Variants in FBXL3 observed in about 807,000 individuals in gnomAD.
FBXL3 encodes the protein F-box/LRR-repeat protein 3.
Under a neutral mutation model 37.9 loss-of-function variants are expected in FBXL3, and 14 were observed. That is an observed-to-expected ratio of 0.37 (90% CI 0.24 to 0.58). FBXL3 has a LOEUF of 0.58. Ranked by LOEUF, FBXL3 falls within the 20% of genes least tolerant of loss-of-function variation. FBXL3 has a pLI of 0.74. For missense variants in FBXL3, 327 were observed against 511.1 expected, an observed-to-expected ratio of 0.64 and a Z score of 3.47; for synonymous variants, 194 against 180.1, an observed-to-expected ratio of 1.08 and a Z score of -0.62.
At chr13:77,020,889 A>G (rs991683072) in intron 2 of FBXL3, among the ~76,000 whole-genome samples, 7 of 152,172 alleles carry the variant, frequency 4.6e-5, no homozygotes, top group African/African-American at 1.7e-4. Context: ...ACAGGTACCC[A>G]CATCCAGCTA....
At chr13:77,025,218 C>A (rs1236031443) in intron 1 of FBXL3, among the ~76,000 whole-genome samples, 1 of 152,192 alleles carries the variant, frequency 6.6e-6, no homozygotes, top group Non-Finnish European at 1.5e-5. Context: ...ATTCTAGACT[C>A]TAGAAATCTA....
intron 3 of FBXL3, chr13:77,016,759 G>A (rs1386206489): frequency 1.3e-5 from 2 of 151,734 alleles, no homozygotes; most frequent in African/African-American, 2.4e-5. Context: ...TTGAACTCCT[G>A]GCCACAACAG....
chr13:77,010,399 C>G (rs112249189), intron 4 of FBXL3: 4 of 152,138 alleles, frequency 2.6e-5, no homozygotes, highest in African/African-American at 9.7e-5. Context: ...ACCCTAATGC[C>G]TAGCATCTGT....
chr13:77,015,597 A>G lies in FBXL3; in HGVS notation c.472-17T>C. The G allele has an allele frequency of 6.8e-7, 1 of 1,464,608 alleles. No homozygotes were observed. The highest frequency in any genetic ancestry group is 9.1e-7 in the Non-Finnish European group (1 of 1,102,030). The allele number at this position is 1,464,608 out of a possible 1,614,324, so 90.7% of individuals were successfully genotyped here. On this transcript the variant is annotated splice_polypyrimidine_tract_variant and intron_variant, in intron 3 of 4. Transcript: ENST00000355619. Reference sequence around the variant, plus strand: ...AAAGTGAGACTGAAAAGCAAAAAAAATAAAATAAAAATTATTTCAATTTTT... The same window carrying G: ...AAAGTGAGACTGAAAAGCAAAAAAAGTAAAATAAAAATTATTTCAATTTTT...
chr13:77,026,003 T>C (rs554620574), intron 1 of FBXL3, among the ~76,000 whole-genome samples: 15 of 151,224 alleles, frequency 9.9e-5, no homozygotes, highest in African/African-American at 3.1e-4. Flanking sequence ...ACAGGTCATA[T>C]AGATAGATAG....
chr13:77,013,105 CTTCCT>C (rs1472082013), intron 4 of FBXL3: 2 of 152,120 alleles, frequency 1.3e-5, no homozygotes, highest in African/African-American at 4.8e-5. Flanking sequence ...CTTCCCTTCC[CTTCCT>C]GAAGAACTAG....
intron 4 of FBXL3, chr13:77,014,190 G>C (rs1396933290): frequency 6.6e-6 from 1 of 152,172 alleles, no homozygotes; most frequent in Non-Finnish European, 1.5e-5. Flanking sequence ...ATTCCACAGG[G>C]TAAAGTGTAC....
At chr13:77,026,412 G>A in intron 1 of FBXL3, 2 of 969,218 alleles carry the variant, frequency 2.1e-6, no homozygotes, top group Non-Finnish European at 2.5e-6. Context: ...ACATTTCAGT[G>A]CCTCATTGCT....
chr13:77,014,121 A>C (rs2034602674), intron 4 of FBXL3: 1 of 152,264 alleles, frequency 6.6e-6, no homozygotes, highest in Non-Finnish European at 1.5e-5. Flanking sequence ...ATCTGAGCTG[A>C]ATTCTGAAGC....
chr13:77,018,740 G>C lies in FBXL3; in HGVS notation c.349-18C>G, dbSNP rs374294721. 6.6e-7 allele frequency: 1 copy of C among 1,520,200 alleles called. No individual in the cohort carries two copies. The highest frequency in any genetic ancestry group is 8.8e-7 in the Non-Finnish European group (1 of 1,137,194). 94.2% of individuals were successfully genotyped at this position (1,520,200 alleles called of 1,614,324 possible). ...CTGTCCACCTTAGAAAAGAAACACC[G>C]TTTACTCATGAATATTTTATTATTT... On this transcript the variant is annotated intron_variant, in intron 2 of 4. Coordinates refer to ENST00000355619, the MANE Select transcript of FBXL3 (RefSeq NM_012158.4).
chr13:77,011,344 CAAAAA>C lies in FBXL3; in HGVS notation c.644-3561_644-3557del, dbSNP rs34255078. Among the ~76,000 whole-genome samples the C allele has an allele frequency of 1.7e-3, 126 of 74,958 alleles. 1 individual carries two copies. The highest frequency in any genetic ancestry group is 5.9e-3 in the African/African-American group (118 of 20,146). The allele number at this position is 74,958 out of a possible 152,430, so 49.2% of individuals were successfully genotyped here. A position where few individuals can be genotyped will look rare whatever the true frequency, so the allele number is the denominator to read the frequency against. ...GGCAACAAGAAGGAGACTTTGTCTC[CAAAAA>C]AAAAAAAAAAAAATAGGCAAAGGAT... On this transcript the variant is annotated intron_variant, in intron 4 of 4. Coordinates refer to ENST00000355619, the MANE Select transcript of FBXL3 (RefSeq NM_012158.4).
rs1160899720 is a variant in FBXL3, at chr13:77,015,572, A to G, written c.480T>C (p.Phe160=). 2.0e-6 allele frequency: 3 copies of G among 1,516,694 alleles called. No homozygotes were observed. The highest frequency in any genetic ancestry group is 2.6e-6 in the Non-Finnish European group (3 of 1,135,448). The allele number at this position is 1,516,694 out of a possible 1,614,324, so 94.0% of individuals were successfully genotyped here. A position where few individuals can be genotyped will look rare whatever the true frequency, so the allele number is the denominator to read the frequency against. ...CGAACACAACTGTCAGTGCAGAGAT[A>G]AAGTGAGACTGAAAAGCAAAAAAAA... The part of the protein sequence containing the change: ...PSFMDLPKSH[F]ISALTVVFVN... Residue 160 remains phenylalanine (F), a synonymous_variant, in exon 4 of 5, where the codon TTT becomes TTC. Coordinates refer to ENST00000355619, the MANE Select transcript of FBXL3 (RefSeq NM_012158.4).
intron 1 of FBXL3, chr13:77,026,174 T>C: frequency 1.0e-6 from 1 of 985,370 alleles, no homozygotes; most frequent in Non-Finnish European, 1.2e-6. Context: ...CTCTCACCTC[T>C]CAGCTTGGAG....
Position 77,027,067 on chromosome 13 carries a change from G to C in FBXL3, c.-242C>G, listed in dbSNP as rs1485621197. On this transcript the variant is annotated 5_prime_UTR_variant, in exon 1 of 5. Transcript: ENST00000355619. ...TTTCCTTCTCAGTCCCGCGCTGTCT[G>C]TGTTCAGGGATCCCCGGCGCCGCGA... 1 of 152,018 alleles carries C rather than the reference G, an allele frequency of 6.6e-6. No individual in the cohort carries two copies. Among genetic ancestry groups the C allele is most frequent in the Non-Finnish European group, 1.5e-5 (1 of 68,028 alleles). The allele number at this position is 152,018 out of a possible 1,614,324, so 9.4% of individuals were successfully genotyped here. A position where few individuals can be genotyped will look rare whatever the true frequency, so the allele number is the denominator to read the frequency against.
In FBXL3 at chr13:77,007,515, T is replaced by C. The variant is rs141339299; in HGVS notation, c.917A>G (p.Tyr306Cys). The change falls in exon 5 of 5, where the codon TAT (tyrosine) becomes TGT (cysteine). Residue 306 changes from tyrosine to cysteine, a missense_variant. By Grantham distance (194) the Tyr-to-Cys change is radical (BLOSUM62 -2). Transcript: ENST00000355619. ...YEEEFDPFFR[Y>C]EIPATHLYFG... Reference sequence around the variant, plus strand: ...GTACAGATGGGTGGCAGGTATTTCATAGCGAAAGAAGGGGTCAAATTCTTC... The same window carrying C: ...GTACAGATGGGTGGCAGGTATTTCACAGCGAAAGAAGGGGTCAAATTCTTC... The C allele has an allele frequency of 5.6e-6, 9 of 1,614,010 alleles. No homozygotes were observed. The African/African-American group carries it at 6.7e-5, about 12-fold the overall frequency.
At chr13:77,018,048 C>T (rs1179349643) in intron 3 of FBXL3, 2 of 152,028 alleles carry the variant, frequency 1.3e-5, no homozygotes, top group Non-Finnish European at 2.9e-5. Context: ...GAGAGAGACA[C>T]GATCTCTGAT....
At position 77,007,587 on chromosome 13, in the gene FBXL3, C is replaced by T. The variant is rs1243293815; in HGVS notation, c.845G>A (p.Arg282Lys). Residue 282 changes from arginine (R) to lysine (K), a missense_variant, in exon 5 of 5, where the codon AGA becomes AAA. Arg to Lys is a conservative substitution (Grantham distance 26). Transcript: ENST00000355619. Reference sequence around the variant, plus strand: ...CACTAAGTTCACTTTGGGTGAATGTCTGATGAAAGCATCCCAGCTACTCTT... The same window carrying T: ...CACTAAGTTCACTTTGGGTGAATGTTTGATGAAAGCATCCCAGCTACTCTT... Reference protein sequence around the residue: ...IQKSSWDAFIRHSPKVNLVMY... With the variant: ...IQKSSWDAFIKHSPKVNLVMY... 1.2e-6 allele frequency: 2 copies of T among 1,614,008 alleles called. No individual in the cohort carries two copies. The highest frequency in any genetic ancestry group is 1.1e-5 in the South Asian group (1 of 91,090).
intron 4 of FBXL3, chr13:77,011,006 T>C (rs1272220189): frequency 6.6e-6 from 1 of 152,178 alleles, no homozygotes; most frequent in East Asian, 1.9e-4. Flanking sequence ...TAGGGCACTA[T>C]TACGACTCAA....
chr13:77,010,450 T>A (rs2154036257), intron 4 of FBXL3: 1 of 152,272 alleles, frequency 6.6e-6, no homozygotes, highest in Non-Finnish European at 1.5e-5. Flanking sequence ...TGATATATGG[T>A]ACAGCTGAGC....
Sources: gnomAD v4.1 joint callset for allele counts (sites outside exome capture counted in the v4.1 genomes callset) on GRCh38, gnomAD v4.1.1 for gene constraint, MANE v1.5 for transcripts, NCBI Gene and HGNC (gene_info 2026-07-23, HGNC 2026-07-21) for gene names.